Variants in OPCML observed in about 807,000 individuals in gnomAD.
OPCML encodes the protein opioid binding protein/cell adhesion molecule like.
In OPCML, 13 loss-of-function variants were observed where a neutral mutation model predicts 37.8. The ratio of observed to expected loss-of-function variants is 0.34; its 90% CI spans 0.22 to 0.55. The LOEUF is 0.55. Ranked by LOEUF, OPCML falls within the 20% of genes least tolerant of loss-of-function variation. OPCML has a pLI of 0.91. For missense variants in OPCML, 341 were observed against 435.6 expected, an observed-to-expected ratio of 0.78 and a Z score of 1.93; for synonymous variants, 176 against 168.8, an observed-to-expected ratio of 1.04 and a Z score of -0.33.
At chr11:132,714,504 C>A (rs1007721863) in intron 2 of OPCML, among the ~76,000 whole-genome samples, 5 of 152,202 alleles carry the variant, frequency 3.3e-5, no homozygotes, top group Admixed American at 1.3e-4. Flanking sequence ...CTGCAAGAAG[C>A]TGGGGAGCTA....
At chr11:133,322,083 TA>T (rs1424904914) in intron 1 of OPCML, among the ~76,000 whole-genome samples, 2 of 152,128 alleles carry the variant, frequency 1.3e-5, no homozygotes, top group Non-Finnish European at 2.9e-5. Flanking sequence ...GCTGCTAGTT[TA>T]AAAAAATAAA....
intron 2 of OPCML, among the ~76,000 whole-genome samples, chr11:132,720,013 A>G (rs1944623940): frequency 1.3e-5 from 2 of 152,222 alleles, no homozygotes; most frequent in African/African-American, 4.8e-5. Context: ...ACCAGCAGAG[A>G]GAAGGCATAA....
At chr11:132,748,215 T>G (rs1945705243) in intron 2 of OPCML, among the ~76,000 whole-genome samples, 1 of 152,314 alleles carries the variant, frequency 6.6e-6, no homozygotes, top group African/African-American at 2.4e-5. Context: ...AAACACGAAC[T>G]AGCACAAGTT....
intron 2 of OPCML, among the ~76,000 whole-genome samples, chr11:132,679,448 G>A (rs754486775): frequency 6.6e-6 from 1 of 152,192 alleles, no homozygotes; most frequent in Non-Finnish European, 1.5e-5. Flanking sequence ...CTCCAACGTG[G>A]ATCAACCTTG....
chr11:132,932,623 C>T (rs12422184), intron 2 of OPCML, among the ~76,000 whole-genome samples: 1 of 150,932 alleles, frequency 6.6e-6, no homozygotes, highest in Admixed American at 6.6e-5. Context: ...CCCACACTGC[C>T]TAGAATAGTG....
At chr11:132,489,545 C>G (rs2096209603) in intron 4 of OPCML, among the ~76,000 whole-genome samples, 1 of 152,124 alleles carries the variant, frequency 6.6e-6, no homozygotes, top group South Asian at 2.1e-4. Flanking sequence ...CCAGTGTCAC[C>G]AGGAACATAT....
intron 2 of OPCML, among the ~76,000 whole-genome samples, chr11:132,781,670 G>A (rs1249253701): frequency 6.6e-6 from 1 of 150,430 alleles, no homozygotes; most frequent in African/African-American, 2.5e-5. Context: ...ACCATGGGGT[G>A]TTCACACCTG....
At chr11:132,970,033 A>G (rs892519440) in intron 1 of OPCML, among the ~76,000 whole-genome samples, 9 of 152,010 alleles carry the variant, frequency 5.9e-5, no homozygotes, top group African/African-American at 1.9e-4. Context: ...AACACATTTC[A>G]GCAACTCCGG....
chr11:133,103,027 C>T (rs902001188), intron 1 of OPCML, among the ~76,000 whole-genome samples: 2 of 152,130 alleles, frequency 1.3e-5, no homozygotes, highest in African/African-American at 4.8e-5. Flanking sequence ...TGACTGTTGT[C>T]GTCAGCTTCT....
At chr11:133,048,000 G>A (rs1159509041) in intron 1 of OPCML, among the ~76,000 whole-genome samples, 6 of 152,046 alleles carry the variant, frequency 3.9e-5, no homozygotes, top group Admixed American at 3.9e-4. Flanking sequence ...GAGGATTCCT[G>A]GAGGCCCAAG....
chr11:133,004,353 A>G, intron 1 of OPCML: 1 of 985,364 alleles, frequency 1.0e-6, no homozygotes, highest in Non-Finnish European at 1.2e-6. Context: ...TGTAGTGTTG[A>G]TGTTTTATTA....
intron 1 of OPCML, among the ~76,000 whole-genome samples, chr11:133,430,660 A>G (rs1946097447): frequency 6.6e-6 from 1 of 152,204 alleles, no homozygotes; most frequent in South Asian, 2.1e-4. Flanking sequence ...ACTACCGTCC[A>G]ATGCATTTAG....
intron 3 of OPCML, among the ~76,000 whole-genome samples, chr11:132,592,319 A>T (rs2096485766): frequency 1.3e-5 from 2 of 152,124 alleles, no homozygotes; most frequent in Non-Finnish European, 2.9e-5. Flanking sequence ...AGCCTGAGGG[A>T]GGGGCATATG....
chr11:133,481,444 A>AAATAAATAAATAAATAAATAAAT (rs57311169), intron 1 of OPCML, among the ~76,000 whole-genome samples: 1 of 150,108 alleles, frequency 6.7e-6, no homozygotes, highest in East Asian at 2.0e-4. Context: ...CCCAGTTAAA[A>AAATAAATAAATAAATAAATAAAT]AAATAAATAA....
Position 133,158,708 on chromosome 11 carries a change from T to TAAA in OPCML, c.62-215699_62-215698insTTT, listed in dbSNP as rs1387266864. On this transcript the variant is annotated intron_variant, in intron 1 of 7. Transcript: ENST00000524381. ...AGTGAGACTCTGTCTAAAAATAAAA[T>TAAA]TAAAAAAATAAAATAAAATAAAATA... Among the ~76,000 whole-genome samples, 11 of 109,028 alleles carry TAAA rather than the reference T, an allele frequency of 1.0e-4. No homozygotes were observed. The South Asian group carries it at 1.6e-3, about 16-fold the overall frequency. The allele number at this position is 109,028 out of a possible 152,430, so 71.5% of individuals were successfully genotyped here.
In OPCML at chr11:133,138,590, G is replaced by A. The variant is rs148503387; in HGVS notation, c.62-195580C>T. Among the ~76,000 whole-genome samples, 773 of 152,180 alleles carry A rather than the reference G, an allele frequency of 5.1e-3. 11 individuals carry two copies. The highest frequency in any genetic ancestry group is 0.017 in the African/African-American group (715 of 41,508). ...TTAATTTCCTGTTTGTAAATCCATG[G>A]TAATGAACATGCCTTCCATAGCCAT... On this transcript the variant is annotated intron_variant, in intron 1 of 7. Coordinates refer to ENST00000524381, the MANE Select transcript of OPCML (RefSeq NM_001012393.5).
intron 1 of OPCML, chr11:133,024,543 G>A (rs1947513366): frequency 1.0e-6 from 1 of 985,178 alleles, no homozygotes; most frequent in Non-Finnish European, 1.2e-6. Context: ...TATACCCTTT[G>A]CACGTAATTC....
chr11:133,418,129 A>T, intron 1 of OPCML: 1 of 985,414 alleles, frequency 1.0e-6, no homozygotes, highest in Non-Finnish European at 1.2e-6. Context: ...CGTGAAGTCG[A>T]AGACAGCAGG....
chr11:132,869,917 C>CA (rs1415626219), intron 2 of OPCML, among the ~76,000 whole-genome samples: 5 of 152,002 alleles, frequency 3.3e-5, no homozygotes, highest in South Asian at 4.2e-4. Flanking sequence ...CAAAGTGTGA[C>CA]AAAAAATAAT....
Sources: gnomAD v4.1 joint callset for allele counts (sites outside exome capture counted in the v4.1 genomes callset) on GRCh38, gnomAD v4.1.1 for gene constraint, MANE v1.5 for transcripts, NCBI Gene and HGNC (gene_info 2026-07-23, HGNC 2026-07-21) for gene names.